USP25: variants seen among roughly 807,000 people sequenced by gnomAD.
The protein encoded by USP25 is ubiquitin specific peptidase 25, also known as ubiquitin carboxyl-terminal hydrolase 25.
In USP25, 85 loss-of-function variants were observed where a neutral mutation model predicts 158.5. The ratio of observed to expected loss-of-function variants is 0.54; its 90% confidence interval spans 0.45 to 0.64. The LOEUF (loss-of-function observed/expected upper bound fraction) is 0.64. Ranked by LOEUF, USP25 falls within the 30% of genes least tolerant of loss-of-function variation. USP25 has a pLI of 0.00. For missense variants in USP25, 1,242 were observed against 1,327.3 expected (o/e 0.94, Z 1.00); for synonymous variants, 464 against 460.4 (o/e 1.01, Z -0.10).
intron 1 of USP25, 78 bp from the exon 2 acceptor site, chr21:15,762,813 C>A: frequency 7.5e-7 from 1 of 1,338,244 alleles, no homozygotes; most frequent in Non-Finnish European, 1.0e-6. Flanking sequence ...TTTGGAAAAC[C>A]AAAGGTGATT....
intron 9 of USP25, among the ~76,000 whole-genome samples, chr21:15,811,777 C>A (rs981996488): frequency 2.6e-5 from 4 of 151,990 alleles, no homozygotes; most frequent in African/African-American, 9.7e-5. Context: ...GTTTGGGTTC[C>A]CTAACAAGGG....
intron 25 of USP25, 58 bp downstream of exon 25, chr21:15,878,049 T>A (rs1412576392): frequency 2.2e-6 from 3 of 1,375,252 alleles, no homozygotes; most frequent in Non-Finnish European, 3.0e-6. Context: ...GCAGTTAGAA[T>A]TAGATGTTAT....
At chr21:15,863,025 AT>A (rs1274300380) in intron 20 of USP25, among the ~76,000 whole-genome samples, 6 of 151,924 alleles carry the variant, frequency 3.9e-5, no homozygotes, top group Non-Finnish European at 7.4e-5. Context: ...AATTGAATGG[AT>A]TTTTTGTAAT....
At chr21:15,824,764 C>T (rs2037413299) in intron 11 of USP25, among the ~76,000 whole-genome samples, 1 of 152,088 alleles carries the variant, frequency 6.6e-6, no homozygotes, top group South Asian at 2.1e-4. Flanking sequence ...TTACAGACAC[C>T]CACCATCGTG....
intron 12 of USP25, 93 bp downstream of exon 12, chr21:15,825,154 A>G (rs2037437750): frequency 1.1e-6 from 1 of 911,030 alleles, no homozygotes; most frequent in Non-Finnish European, 1.7e-6. Flanking sequence ...TGAGTGATTT[A>G]TAATTTTAGG....
At chr21:15,870,261 TTTTA>T (rs1250180061) in intron 23 of USP25, 114 bp downstream of exon 23, 2 of 685,330 alleles carry the variant, frequency 2.9e-6, no homozygotes, top group African/African-American at 3.8e-5. Flanking sequence ...TTAATAAATG[TTTTA>T]TTTTAGATCA....
Position 15,879,499 on chromosome 21 carries a change from A to C in USP25, c.*1024A>C, listed in dbSNP as rs1473660232. ...TGTTGTTTAACTAGAAGTTATGAGT[A>C]TCTTAACTGCCTTTATTCCTTTTCA... is the stretch of plus-strand genomic sequence containing the variant. On this transcript the variant is annotated 3_prime_UTR_variant, in exon 26 of 26. Coordinates refer to ENST00000400183, the MANE Select transcript of USP25 (RefSeq NM_001283041.3). The C allele has an allele frequency of 1.3e-5, 2 of 152,526 alleles. No individual in the cohort carries two copies. Among genetic ancestry groups the C allele is most frequent in the African/African-American group, 4.8e-5 (2 of 41,446 alleles). The allele number at this position is 152,526 out of a possible 1,614,324, so 9.4% of individuals were successfully genotyped here.
At chr21:15,835,267 A>T (rs529981172) in intron 17 of USP25, among the ~76,000 whole-genome samples, 1 of 152,142 alleles carries the variant, frequency 6.6e-6, no homozygotes, top group Non-Finnish European at 1.5e-5. Context: ...GTGATACCAA[A>T]ATATTAAGTT....
chr21:15,795,050 T>C (rs1022108369), intron 5 of USP25, among the ~76,000 whole-genome samples: 1 of 151,642 alleles, frequency 6.6e-6, no homozygotes, highest in Non-Finnish European at 1.5e-5. Flanking sequence ...ACTAAAATGC[T>C]TAAACCTGTC....
intron 1 of USP25, among the ~76,000 whole-genome samples, chr21:15,750,572 T>C (rs377752110): frequency 1.3e-5 from 2 of 151,910 alleles, no homozygotes; most frequent in Admixed American, 6.6e-5. Flanking sequence ...AGTAGTTCTA[T>C]GATAATGCTC....
intron 1 of USP25, among the ~76,000 whole-genome samples, chr21:15,759,360 G>A (rs1215404880): frequency 3.3e-5 from 5 of 152,128 alleles, no homozygotes; most frequent in Non-Finnish European, 1.5e-5. Flanking sequence ...GGTTAAGTAC[G>A]TGCCTGTGAC....
At chr21:15,796,669 T>C (rs1354424732) in intron 5 of USP25, among the ~76,000 whole-genome samples, 3 of 151,450 alleles carry the variant, frequency 2.0e-5, no homozygotes, top group Non-Finnish European at 4.4e-5. Context: ...TCAGAATTTA[T>C]TGGATTAAGG....
intron 20 of USP25, among the ~76,000 whole-genome samples, chr21:15,863,910 G>A (rs1010291568): frequency 3.9e-5 from 6 of 151,964 alleles, no homozygotes; most frequent in Admixed American, 2.0e-4. Flanking sequence ...GGTGGTGGGC[G>A]CCTGTAATCC....
rs2030673343 is a variant in USP25, at chr21:15,730,375, CGCCGCCGCCGCG to C, written c.-17_-6del. 1.6e-6 allele frequency: 2 copies of C among 1,231,640 alleles called. No individual in the cohort carries two copies. Among genetic ancestry groups the C allele is most frequent in the African/African-American group, 3.2e-5 (2 of 62,640 alleles). The allele number at this position is 1,231,640 out of a possible 1,614,324, so 76.3% of individuals were successfully genotyped here. ...AGCCGGGCGCCACCGCCGCCGCCGC[CGCCGCCGCCGCG>C]GGGGCCATGACCGTGGAGCAGAACG... is the stretch of plus-strand genomic sequence containing the variant. On this transcript the variant is annotated 5_prime_UTR_variant, in exon 1 of 26. Transcript: ENST00000400183.
chr21:15,839,120 C>T (rs937481962), intron 17 of USP25, among the ~76,000 whole-genome samples: 1 of 152,154 alleles, frequency 6.6e-6, no homozygotes, highest in East Asian at 1.9e-4. Flanking sequence ...GAGAACTGGT[C>T]ATTCATGGTG....
chr21:15,864,885 A>G (rs1453922292), intron 21 of USP25, among the ~76,000 whole-genome samples: 2 of 152,146 alleles, frequency 1.3e-5, no homozygotes, highest in African/African-American at 2.4e-5. Context: ...GGTATTGCCA[A>G]ATAACTCCTA....
chr21:15,750,103 G>C (rs978511608), intron 1 of USP25, among the ~76,000 whole-genome samples: 3 of 151,866 alleles, frequency 2.0e-5, no homozygotes. Context: ...TCCGGGGAGG[G>C]AAGAGGGGCT....
chr21:15,844,930 G>A (rs1158142334), intron 18 of USP25, among the ~76,000 whole-genome samples: 1 of 152,028 alleles, frequency 6.6e-6, no homozygotes, highest in African/African-American at 2.4e-5. Flanking sequence ...TTATTCCATT[G>A]AATAATTAAC....
At chr21:15,822,950 T>C (rs1448960329) in intron 10 of USP25, among the ~76,000 whole-genome samples, 1 of 152,026 alleles carries the variant, frequency 6.6e-6, no homozygotes, top group African/African-American at 2.4e-5. Flanking sequence ...GAAAGAGAAA[T>C]AGTATTGAAT....
Sources: allele counts gnomAD v4.1 joint callset (sites outside exome capture counted in the v4.1 genomes callset), GRCh38; gene constraint gnomAD v4.1.1; transcripts MANE v1.5; gene names NCBI Gene and HGNC (gene_info 2026-07-23, HGNC 2026-07-21).